Variants in ZNF438 observed in about 807,000 individuals in gnomAD.
ZNF438 encodes zinc finger protein 438.
Under a neutral mutation model 38.0 loss-of-function variants are expected in ZNF438, and 25 were observed. The observed-to-expected ratio is 0.66, with a 90% CI of 0.48 to 0.92. The LOEUF (loss-of-function observed/expected upper bound fraction) is 0.92, where lower values mean the gene tolerates loss of function less well. Ranked by LOEUF, ZNF438 falls within the 40% of genes least tolerant of loss-of-function variation. The pLI is 0.00. For missense variants in ZNF438, 1,007 were observed against 999.6 expected, an observed-to-expected ratio of 1.01 and a Z score of -0.10; for synonymous variants, 372 against 364.1, an observed-to-expected ratio of 1.02 and a Z score of -0.25.
chr10:30,848,247 C>T (rs935030180), intron 5 of ZNF438, among the ~76,000 whole-genome samples: 27 of 152,090 alleles, frequency 1.8e-4, no homozygotes, highest in African/African-American at 5.8e-4. Flanking sequence ...TTTAAAATAA[C>T]GCAAATTCTG....
At chr10:31,025,023 T>C (rs894224275) in intron 1 of ZNF438, among the ~76,000 whole-genome samples, 1 of 152,208 alleles carries the variant, frequency 6.6e-6, no homozygotes, top group African/African-American at 2.4e-5. Context: ...CTACTATTAT[T>C]AGCTCCAAGA....
chr10:30,914,478 T>C (rs2043392817), intron 2 of ZNF438, among the ~76,000 whole-genome samples: 1 of 151,864 alleles, frequency 6.6e-6, no homozygotes, highest in African/African-American at 2.4e-5. Flanking sequence ...CGAGAAAAAC[T>C]AGGAAAATCT....
chr10:30,973,552 A>T (rs1220571478), intron 1 of ZNF438, among the ~76,000 whole-genome samples: 3 of 152,190 alleles, frequency 2.0e-5, no homozygotes, highest in African/African-American at 7.2e-5. Context: ...TTTTATTTGC[A>T]TTTATTCAAT....
intron 2 of ZNF438, among the ~76,000 whole-genome samples, chr10:30,917,625 T>C (rs2043804269): frequency 6.6e-6 from 1 of 152,176 alleles, no homozygotes; most frequent in Non-Finnish European, 1.5e-5. Context: ...CAAAGTGTCT[T>C]TTCAAATCAT....
At chr10:31,014,422 G>GT (rs1169835064) in intron 1 of ZNF438, among the ~76,000 whole-genome samples, 2 of 152,190 alleles carry the variant, frequency 1.3e-5, no homozygotes, top group Non-Finnish European at 2.9e-5. Flanking sequence ...AAGAGCAAGA[G>GT]TAAGCTCTCT....
chr10:30,894,167 TAAG>T (rs749904987), intron 3 of ZNF438, among the ~76,000 whole-genome samples: 44 of 152,314 alleles, frequency 2.9e-4, no homozygotes, highest in Non-Finnish European at 5.1e-4. Context: ...GGGGTTTATT[TAAG>T]AAGTAAAAAC....
At chr10:31,024,842 T>G (rs1279660947) in intron 1 of ZNF438, among the ~76,000 whole-genome samples, 2 of 152,158 alleles carry the variant, frequency 1.3e-5, no homozygotes, top group Non-Finnish European at 2.9e-5. Context: ...CATGAAACTG[T>G]GAAATAGCTA....
intron 4 of ZNF438, among the ~76,000 whole-genome samples, chr10:30,867,280 G>T (rs1384289169): frequency 6.6e-5 from 10 of 151,990 alleles, no homozygotes; most frequent in African/African-American, 2.4e-4. Flanking sequence ...AGAATTTAAA[G>T]ATATTTGCAG....
At chr10:30,888,221 T>G (rs949760470) in intron 3 of ZNF438, among the ~76,000 whole-genome samples, 1 of 152,130 alleles carries the variant, frequency 6.6e-6, no homozygotes, top group African/African-American at 2.4e-5. Context: ...TTCTCCATAG[T>G]GGTTGTACTA....
intron 1 of ZNF438, among the ~76,000 whole-genome samples, chr10:31,025,540 G>T (rs1771645): frequency 0.76 from 116,197 of 152,176 alleles, 45,240 homozygotes; most frequent in African/African-American, 0.88. Flanking sequence ...CTTTGCAATT[G>T]AAGAACCAAA....
intron 3 of ZNF438, among the ~76,000 whole-genome samples, chr10:30,895,093 T>G (rs2041159916): frequency 6.6e-6 from 1 of 152,112 alleles, no homozygotes. Context: ...TAGAGGACCA[T>G]TTTTTTCTTG....
chr10:31,002,702 A>C (rs1279049041), intron 1 of ZNF438, among the ~76,000 whole-genome samples: 1 of 152,054 alleles, frequency 6.6e-6, no homozygotes, highest in South Asian at 2.1e-4. Flanking sequence ...TTTCATCCAA[A>C]CTCTTAATTC....
In ZNF438 at chr10:30,854,670, C is replaced by T. The variant is rs150011058; in HGVS notation, c.38-4303G>A. On this transcript the variant is annotated intron_variant, in intron 4 of 5. Coordinates refer to ENST00000413025, the Ensembl canonical transcript of ZNF438. The stretch of plus-strand genomic sequence containing the variant: ...GCCAGAATAAGGAGCTAATAATCAA[C>T]TACCTACCTGAGGAAATAACAAAAG... Among the ~76,000 whole-genome samples the T allele has an allele frequency of 1.2e-4, 18 of 152,278 alleles. No homozygotes were observed. The East Asian group carries it at 3.5e-3, about 29-fold the overall frequency.
intron 3 of ZNF438, among the ~76,000 whole-genome samples, chr10:30,887,673 C>T (rs1475063760): frequency 6.6e-6 from 1 of 152,212 alleles, no homozygotes; most frequent in Non-Finnish European, 1.5e-5. Flanking sequence ...CAGGCGTGAG[C>T]CACCGCGCCC....
chr10:30,885,578 G>C (rs376989277), intron 3 of ZNF438, among the ~76,000 whole-genome samples: 1 of 152,154 alleles, frequency 6.6e-6, no homozygotes, highest in Non-Finnish European at 1.5e-5. Context: ...TAAGCATCTT[G>C]CTCAAGGTCA....
At chr10:30,883,795 A>G (rs1447297876) in intron 3 of ZNF438, among the ~76,000 whole-genome samples, 1 of 152,206 alleles carries the variant, frequency 6.6e-6, no homozygotes, top group Non-Finnish European at 1.5e-5. Flanking sequence ...CTGAGGTGGG[A>G]GGATCCCTTG....
chr10:30,849,867 G>T, exon 5 of ZNF438: 1 of 1,614,140 alleles, frequency 6.2e-7, no homozygotes, highest in East Asian at 2.2e-5. Context: ...TCTAGTGATG[G>T]TACTTCCTCA....
intron 2 of ZNF438, among the ~76,000 whole-genome samples, chr10:30,939,866 C>G (rs1445658270): frequency 6.6e-6 from 1 of 152,186 alleles, no homozygotes; most frequent in Non-Finnish European, 1.5e-5. Context: ...GGTGCTGGTA[C>G]CAGTGAGTTA....
At chr10:30,986,721 C>CA (rs1451713749) in intron 1 of ZNF438, among the ~76,000 whole-genome samples, 1 of 152,154 alleles carries the variant, frequency 6.6e-6, no homozygotes, top group African/African-American at 2.4e-5. Context: ...AAAATGCTCC[C>CA]ATGAGTATTT....
Sources: allele counts gnomAD v4.1 joint callset (sites outside exome capture counted in the v4.1 genomes callset), GRCh38; gene constraint gnomAD v4.1.1; transcripts MANE v1.5; gene names NCBI Gene and HGNC (gene_info 2026-07-23, HGNC 2026-07-21).